The following KIAA1549L variants were observed in gnomAD, a reference collection of about 807,000 sequenced individuals.
The protein encoded by KIAA1549L is UPF0606 protein KIAA1549L.
KIAA1549L carries 88 observed loss-of-function variants against 160.7 expected under a neutral mutation model. That is an observed-to-expected ratio of 0.55 (90% confidence interval 0.46 to 0.65). The LOEUF is 0.65. Among genes scored for constraint, KIAA1549L ranks in the 30% least tolerant of loss-of-function variants. KIAA1549L has a pLI of 0.00. For missense variants in KIAA1549L, 2,258 were observed against 2,437.5 expected (o/e 0.93, Z 1.55); for synonymous variants, 950 against 976.7 (o/e 0.97, Z 0.51).
chr11:33,661,130 C>T lies in KIAA1549L; in HGVS notation c.6159+116C>T, dbSNP rs187928327. On this transcript the variant is annotated intron_variant, in intron 20 of 20. Transcript: ENST00000658780. Reference sequence around the variant, plus strand: ...GTTATCTCAGCCTCCTCACAGTACCCGGATGACTAAAGTCAGCCATTTTAA... The same window carrying T: ...GTTATCTCAGCCTCCTCACAGTACCTGGATGACTAAAGTCAGCCATTTTAA... The T allele has an allele frequency of 3.9e-5, 41 of 1,038,928 alleles. 1 individual carries two copies. The highest frequency in any genetic ancestry group is 7.9e-5 in the East Asian group (3 of 37,850). The allele number at this position is 1,038,928 out of a possible 1,614,324, so 64.4% of individuals were successfully genotyped here.
rs1320229113 is a variant in KIAA1549L, at chr11:33,668,893, T to C, written c.*739T>C. 1.3e-5 allele frequency: 2 copies of C among 152,212 alleles called. No individual in the cohort carries two copies. Among genetic ancestry groups the C allele is most frequent in the Non-Finnish European group, 2.9e-5 (2 of 68,042 alleles). The allele number at this position is 152,212 out of a possible 1,614,324, so 9.4% of individuals were successfully genotyped here. ...AATAAAAGTCCCCTACAAGTTAGGA[T>C]CTAACTGAAAGAGAATCGGTGCTAA... On this transcript the variant is annotated 3_prime_UTR_variant, in exon 21 of 21. Coordinates refer to ENST00000658780, the MANE Select transcript of KIAA1549L (RefSeq NM_012194.3).
chr11:33,537,028 C>T (rs889338988), intron 1 of KIAA1549L, among the ~76,000 whole-genome samples: 2 of 152,236 alleles, frequency 1.3e-5, no homozygotes, highest in African/African-American at 4.8e-5. Flanking sequence ...AATGGTCCGG[C>T]TGTCGCCTCC....
At chr11:33,602,871 T>C (rs937228178) in intron 13 of KIAA1549L, among the ~76,000 whole-genome samples, 6 of 152,230 alleles carry the variant, frequency 3.9e-5, no homozygotes, top group African/African-American at 1.4e-4. Context: ...CCTAGAGGAA[T>C]TGTACAAATC....
chr11:33,613,628 A>G (rs1033433595), intron 15 of KIAA1549L, among the ~76,000 whole-genome samples: 4 of 152,138 alleles, frequency 2.6e-5, no homozygotes, highest in Admixed American at 6.5e-5. Flanking sequence ...GCACCAACCC[A>G]TGAGGGATCC....
intron 1 of KIAA1549L, among the ~76,000 whole-genome samples, chr11:33,421,067 C>T (rs971090393): frequency 6.6e-6 from 1 of 152,150 alleles, no homozygotes; most frequent in Non-Finnish European, 1.5e-5. Context: ...ACTGGATCCT[C>T]CCACCTGGAA....
At chr11:33,498,896 C>G (rs1482907578) in intron 1 of KIAA1549L, among the ~76,000 whole-genome samples, 1 of 152,188 alleles carries the variant, frequency 6.6e-6, no homozygotes, top group African/African-American at 2.4e-5. Context: ...TAGATTTCTT[C>G]TTACGTTAGC....
intron 3 of KIAA1549L, among the ~76,000 whole-genome samples, chr11:33,546,576 C>T (rs957157561): frequency 2.0e-5 from 3 of 152,190 alleles, no homozygotes; most frequent in Non-Finnish European, 4.4e-5. Context: ...TAACAACAGC[C>T]ACATTTATCT....
intron 18 of KIAA1549L, among the ~76,000 whole-genome samples, chr11:33,658,122 G>A (rs1279940199): frequency 6.6e-6 from 1 of 152,212 alleles, no homozygotes; most frequent in Non-Finnish European, 1.5e-5. Context: ...CTTCTTACAC[G>A]GCTTTCTGAG....
At chr11:33,466,763 A>G (rs1852067403) in intron 1 of KIAA1549L, among the ~76,000 whole-genome samples, 1 of 152,232 alleles carries the variant, frequency 6.6e-6, no homozygotes, top group African/African-American at 2.4e-5. Context: ...TGTGGCACAT[A>G]TACACTATGG....
At chr11:33,467,920 A>G (rs1331598094) in intron 1 of KIAA1549L, among the ~76,000 whole-genome samples, 1 of 152,144 alleles carries the variant, frequency 6.6e-6, no homozygotes, top group African/African-American at 2.4e-5. Context: ...AACCAACAAA[A>G]ATCTTGTCTT....
intron 1 of KIAA1549L, among the ~76,000 whole-genome samples, chr11:33,522,710 A>G (rs1853524737): frequency 6.6e-6 from 1 of 152,168 alleles, no homozygotes; most frequent in Admixed American, 6.5e-5. Flanking sequence ...AGCCTGGGTA[A>G]CAGAGAGAGA....
intron 9 of KIAA1549L, among the ~76,000 whole-genome samples, chr11:33,572,586 A>G (rs1018917645): frequency 6.6e-6 from 1 of 152,124 alleles, no homozygotes; most frequent in African/African-American, 2.4e-5. Context: ...AGCTTTTTTG[A>G]CACAGTGTAT....
chr11:33,579,558 A>T (rs1855566449), intron 10 of KIAA1549L, among the ~76,000 whole-genome samples: 1 of 151,878 alleles, frequency 6.6e-6, no homozygotes, highest in South Asian at 2.1e-4. Flanking sequence ...TTCAGCTCCC[A>T]CTTACTATGT....
At position 33,617,788 on chromosome 11, in the gene KIAA1549L, G is replaced by A. The variant is rs576997394; in HGVS notation, c.5280-745G>A. ...GCATTCGGTAAATGATGGAAGCCTC[G>A]GTGGATGGATGGATGGATGGATGGA... On this transcript the variant is annotated intron_variant, in intron 15 of 20. Transcript: ENST00000658780. 1.0e-4 allele frequency among the ~76,000 whole-genome samples: 15 copies of A among 144,936 alleles called. No homozygotes were observed. The South Asian group carries it at 2.6e-3, about 25-fold the overall frequency.
At chr11:33,513,769 G>C (rs1012843110) in intron 1 of KIAA1549L, among the ~76,000 whole-genome samples, 3 of 152,196 alleles carry the variant, frequency 2.0e-5, no homozygotes, top group African/African-American at 2.4e-5. Context: ...TTGGCCACAG[G>C]GGGTGGTAGC....
In KIAA1549L at chr11:33,542,560, G is replaced by T. The variant is rs1235897827; in HGVS notation, c.997G>T (p.Gly333Cys). Residue 333 changes from glycine (G) to cysteine (C), a missense_variant, in exon 2 of 21, where the codon GGT becomes TGT. Coordinates refer to ENST00000658780, the MANE Select transcript of KIAA1549L (RefSeq NM_012194.3). ...KWHSELSPTE[G>C]PHSAGSSTPG... ...GCATTCCGAGCTGTCCCCAACAGAG[G>T]GTCCCCATTCAGCAGGTTCATCCAC... The T allele has an allele frequency of 1.2e-6, 2 of 1,613,892 alleles. No homozygotes were observed. Among genetic ancestry groups the T allele is most frequent in the South Asian group, 1.1e-5 (1 of 91,076 alleles).
At position 33,519,002 on chromosome 11, in the gene KIAA1549L, A is replaced by G. The variant is rs575630102; in HGVS notation, c.239-22800A>G. 2.6e-5 allele frequency among the ~76,000 whole-genome samples: 4 copies of G among 152,238 alleles called. No individual in the cohort carries two copies. In the South Asian group the frequency reaches 8.3e-4, roughly 32 times the overall value. ...GATTTTGGAGCATTTCAGATTTTGT[A>G]TTTTTGGATTTTTGGATTTGGGATG... is the stretch of plus-strand genomic sequence containing the variant. On this transcript the variant is annotated intron_variant, in intron 1 of 20. Coordinates refer to ENST00000658780, the MANE Select transcript of KIAA1549L (RefSeq NM_012194.3).
At chr11:33,503,712 T>C (rs895372522) in intron 1 of KIAA1549L, among the ~76,000 whole-genome samples, 25 of 152,250 alleles carry the variant, frequency 1.6e-4, no homozygotes, top group African/African-American at 6.0e-4. Flanking sequence ...TTCTGAGGGT[T>C]CCTTTACTTG....
At chr11:33,492,373 A>C (rs1852689461) in intron 1 of KIAA1549L, among the ~76,000 whole-genome samples, 1 of 152,110 alleles carries the variant, frequency 6.6e-6, no homozygotes, top group Admixed American at 6.5e-5. Flanking sequence ...TCTCAAAAAA[A>C]CCCCAAAAAG....
Sources: allele counts gnomAD v4.1 joint callset (sites outside exome capture counted in the v4.1 genomes callset), GRCh38; gene constraint gnomAD v4.1.1; transcripts MANE v1.5; gene names NCBI Gene and HGNC (gene_info 2026-07-23, HGNC 2026-07-21).